C10orf67: variants seen among roughly 807,000 people sequenced by gnomAD.
C10orf67 encodes the protein uncharacterized protein C10orf67, mitochondrial.
C10orf67 carries 60 observed loss-of-function variants against 35.6 expected under a neutral mutation model. The observed-to-expected ratio is 1.68, with a 90% confidence interval of 1.37 to 2.09. C10orf67 has a LOEUF of 2.09. Among genes scored for constraint, C10orf67 ranks in the 30% most tolerant of loss-of-function variants. C10orf67 has a pLI of 0.00. For missense variants in C10orf67, 474 were observed against 330.2 expected, an observed-to-expected ratio of 1.44 and a Z score of -3.38; for synonymous variants, 167 against 115.8, an observed-to-expected ratio of 1.44 and a Z score of -2.84.
intron 4 of C10orf67, among the ~76,000 whole-genome samples, chr10:23,303,674 G>T (rs1034847679): frequency 6.6e-6 from 1 of 152,112 alleles, no homozygotes; most frequent in Non-Finnish European, 1.5e-5. Flanking sequence ...AAAGTATTAC[G>T]CACTATGTAG....
At chr10:23,318,105 A>G (rs1477799362) in intron 4 of C10orf67, 8 of 139,602 alleles carry the variant, frequency 5.7e-5, no homozygotes, top group Non-Finnish European at 1.2e-4. Context: ...GTCTCTAAAA[A>G]AAAAAAAAAA....
Position 23,266,330 on chromosome 10 carries a change from T to G in C10orf67, c.1132A>C (p.Ser378Arg), listed in dbSNP as rs1842882830. The stretch of plus-strand genomic sequence containing the variant: ...TTCTGGGCCCCAGCAGATGATACAC[T>G]CATGGTCGCAGAATGTGGCCTCAAA... ...TALRPHSATM[S>R]VSSAGAQKAK... The change falls in exon 10 of 16, where the codon AGT (serine) becomes CGT (arginine). Residue 378 changes from serine to arginine, a missense_variant. By Grantham distance (110) the Ser-to-Arg change is moderately radical. Transcript: ENST00000636213. 1.5e-5 allele frequency: 6 copies of G among 398,600 alleles called. No individual in the cohort carries two copies. The highest frequency in any genetic ancestry group is 2.7e-5 in the Non-Finnish European group (6 of 226,086). The allele number at this position is 398,600 out of a possible 1,614,324, so 24.7% of individuals were successfully genotyped here.
At chr10:23,270,953 C>A (rs1486037672) in intron 8 of C10orf67, among the ~76,000 whole-genome samples, 1 of 152,212 alleles carries the variant, frequency 6.6e-6, no homozygotes, top group African/African-American at 2.4e-5. Flanking sequence ...TGGGACAGAG[C>A]CCCAATTAAA....
intron 4 of C10orf67, among the ~76,000 whole-genome samples, chr10:23,304,533 G>A (rs562474616): frequency 1.3e-5 from 2 of 152,136 alleles, no homozygotes; most frequent in South Asian, 2.1e-4. Context: ...GACCCAGCTC[G>A]AGCCCACTCA....
At chr10:23,333,758 C>T (rs559055964) in intron 1 of C10orf67, among the ~76,000 whole-genome samples, 1 of 152,222 alleles carries the variant, frequency 6.6e-6, no homozygotes, top group Non-Finnish European at 1.5e-5. Context: ...CATGGAAAAG[C>T]TTTGCAAAAA....
At chr10:23,277,778 C>T (rs190727005) in intron 8 of C10orf67, among the ~76,000 whole-genome samples, 1 of 152,078 alleles carries the variant, frequency 6.6e-6, no homozygotes, top group African/African-American at 2.4e-5. Context: ...AGATAAAACC[C>T]ATCTGTGTTA....
chr10:23,246,459 A>G (rs1842319195), intron 12 of C10orf67, among the ~76,000 whole-genome samples: 1 of 152,240 alleles, frequency 6.6e-6, no homozygotes, highest in South Asian at 2.1e-4. Context: ...TTTCTTTGAA[A>G]TAAATAACAC....
intron 15 of C10orf67, among the ~76,000 whole-genome samples, chr10:23,205,787 A>T (rs1841142118): frequency 6.6e-6 from 1 of 152,198 alleles, no homozygotes; most frequent in Non-Finnish European, 1.5e-5. Flanking sequence ...CTTTTTAAAA[A>T]ATTTTAACAC....
chr10:23,267,742 T>A (rs1276754673), intron 8 of C10orf67, among the ~76,000 whole-genome samples: 2 of 151,818 alleles, frequency 1.3e-5, no homozygotes, highest in Non-Finnish European at 2.9e-5. Context: ...CCATCTCTAC[T>A]GAAAATACAA....
intron 15 of C10orf67, among the ~76,000 whole-genome samples, chr10:23,210,931 T>C (rs1021138219): frequency 2.6e-5 from 4 of 152,214 alleles, no homozygotes; most frequent in Non-Finnish European, 5.9e-5. Context: ...TAAGTCTTAA[T>C]ACAAACTGAA....
intron 10 of C10orf67, among the ~76,000 whole-genome samples, chr10:23,253,484 G>C (rs1842516406): frequency 6.6e-6 from 1 of 152,046 alleles, no homozygotes; most frequent in Admixed American, 6.5e-5. Flanking sequence ...AGAGCCCCAG[G>C]CCCAGGGTCA....
chr10:23,298,446 G>T (rs912260582), intron 5 of C10orf67, among the ~76,000 whole-genome samples: 1 of 152,096 alleles, frequency 6.6e-6, no homozygotes, highest in Non-Finnish European at 1.5e-5. Context: ...TAACACTGGG[G>T]CTTGGGTTAG....
intron 2 of C10orf67, among the ~76,000 whole-genome samples, chr10:23,325,546 A>AACC (rs1554816917): frequency 7.0e-6 from 1 of 143,058 alleles, no homozygotes; most frequent in Non-Finnish European, 1.5e-5. Context: ...AAAAAAAAAA[A>AACC]CAAAAAACAA....
chr10:23,272,492 C>A (rs147844218), intron 8 of C10orf67, among the ~76,000 whole-genome samples: 11 of 152,312 alleles, frequency 7.2e-5, no homozygotes, highest in African/African-American at 2.6e-4. Context: ...GAAATCAATT[C>A]ATTATATATG....
intron 2 of C10orf67, among the ~76,000 whole-genome samples, chr10:23,328,583 A>G (rs959898625): frequency 3.3e-5 from 5 of 151,986 alleles, no homozygotes; most frequent in Non-Finnish European, 7.4e-5. Context: ...TGGATTCTCT[A>G]ACTCTATACC....
At chr10:23,321,768 A>G (rs1692042659) in intron 3 of C10orf67, among the ~76,000 whole-genome samples, 1 of 152,190 alleles carries the variant, frequency 6.6e-6, no homozygotes, top group African/African-American at 2.4e-5. Flanking sequence ...CACAGAAATA[A>G]TAGTAATGTC....
At chr10:23,294,295 A>G (rs537737722) in intron 5 of C10orf67, among the ~76,000 whole-genome samples, 1 of 152,262 alleles carries the variant, frequency 6.6e-6, no homozygotes, top group Non-Finnish European at 1.5e-5. Flanking sequence ...AGGGCTCATC[A>G]GTGTTGGGAT....
chr10:23,327,559 G>T (rs571646262), intron 2 of C10orf67, among the ~76,000 whole-genome samples: 24 of 152,090 alleles, frequency 1.6e-4, no homozygotes, highest in Non-Finnish European at 3.5e-4. Context: ...AGGCACGTTG[G>T]CTCACACCTG....
chr10:23,253,615 T>C (rs1379172294), intron 10 of C10orf67, among the ~76,000 whole-genome samples: 2 of 152,228 alleles, frequency 1.3e-5, no homozygotes, highest in African/African-American at 4.8e-5. Context: ...GACATTAATA[T>C]ACTTATTTCA....
Sources: gnomAD v4.1 joint callset for allele counts (sites outside exome capture counted in the v4.1 genomes callset) on GRCh38, gnomAD v4.1.1 for gene constraint, MANE v1.5 for transcripts, NCBI Gene and HGNC (gene_info 2026-07-23, HGNC 2026-07-21) for gene names.